PAX7: variants seen among roughly 807,000 people sequenced by gnomAD.
PAX7 encodes the protein paired box protein Pax-7.
PAX7 carries 18 observed loss-of-function variants against 50.7 expected under a neutral mutation model. The ratio of observed to expected loss-of-function variants is 0.36; its 90% confidence interval spans 0.25 to 0.53. PAX7 has a LOEUF of 0.53. PAX7 is among the 20% of genes least tolerant of loss of function. PAX7 has a pLI of 0.93. For missense variants in PAX7, 644 were observed against 702.9 expected, an observed-to-expected ratio of 0.92 and a Z score of 0.95; for synonymous variants, 310 against 290.4, an observed-to-expected ratio of 1.07 and a Z score of -0.69.
At chr1:18,727,817 T>G (rs891810170) in intron 7 of PAX7, among the ~76,000 whole-genome samples, 4 of 151,944 alleles carry the variant, frequency 2.6e-5, no homozygotes, top group African/African-American at 9.7e-5. Flanking sequence ...GGTGCAGGGC[T>G]TCGGTGTGGG....
chr1:18,635,342 C>A, intron 3 of PAX7, 102 bp downstream of exon 3: 1 of 1,371,146 alleles, frequency 7.3e-7, no homozygotes, highest in Non-Finnish European at 9.9e-7. Flanking sequence ...TGATGGCTGA[C>A]TGTGAACTTA....
chr1:18,663,508 G>A (rs554832104), intron 4 of PAX7, among the ~76,000 whole-genome samples: 9 of 152,260 alleles, frequency 5.9e-5, no homozygotes, highest in African/African-American at 1.4e-4. Flanking sequence ...TCAGCCTCTC[G>A]AGTAGCTGGG....
chr1:18,653,355 A>G (rs1570126248), intron 4 of PAX7, among the ~76,000 whole-genome samples: 1 of 152,116 alleles, frequency 6.6e-6, no homozygotes, highest in South Asian at 2.1e-4. Flanking sequence ...TTGTGTGTGT[A>G]TATTGTTGTT....
At chr1:18,703,449 T>C (rs1373863430) in intron 7 of PAX7, among the ~76,000 whole-genome samples, 153 bp downstream of exon 7, 3 of 152,370 alleles carry the variant, frequency 2.0e-5, no homozygotes, top group East Asian at 1.9e-4. Context: ...CCCTGGACTC[T>C]GTCCTGTGCT....
chr1:18,654,715 C>T (rs1027816026), intron 4 of PAX7, among the ~76,000 whole-genome samples: 2 of 152,236 alleles, frequency 1.3e-5, no homozygotes, highest in Non-Finnish European at 2.9e-5. Flanking sequence ...GGAAAGCAAA[C>T]TTGGAATTCT....
At position 18,746,139 on chromosome 1, in the gene PAX7, C is replaced by A. The variant is rs778204543; in HGVS notation, c.*1210C>A. On this transcript the variant is annotated 3_prime_UTR_variant, in exon 9 of 9. Transcript: ENST00000420770. ...TTGTAGACTGGGCAGGGATGGTTTG[C>A]CCCACAGACAAGATGATCCCCCCTG... 2.6e-5 allele frequency: 6 copies of A among 231,614 alleles called. No homozygotes were observed. The highest frequency in any genetic ancestry group is 4.3e-5 in the Non-Finnish European group (5 of 117,122). The allele number at this position is 231,614 out of a possible 1,614,324, so 14.3% of individuals were successfully genotyped here. A position where few individuals can be genotyped will look rare whatever the true frequency, so the allele number is the denominator to read the frequency against.
intron 4 of PAX7, among the ~76,000 whole-genome samples, chr1:18,658,162 T>C (rs937569132): frequency 2.0e-5 from 3 of 152,122 alleles, no homozygotes; most frequent in Non-Finnish European, 4.4e-5. Flanking sequence ...TGGAATTCTG[T>C]CGGTTTTGTG....
chr1:18,740,587 G>A (rs1469716943), intron 8 of PAX7, among the ~76,000 whole-genome samples: 2 of 152,214 alleles, frequency 1.3e-5, no homozygotes, highest in East Asian at 1.9e-4. Flanking sequence ...GTCCATACAT[G>A]AGGGTGCTCG....
intron 4 of PAX7, among the ~76,000 whole-genome samples, chr1:18,647,961 G>T (rs933638075): frequency 6.6e-6 from 1 of 152,188 alleles, no homozygotes; most frequent in Non-Finnish European, 1.5e-5. Flanking sequence ...AAGGTCAAGA[G>T]AAGAAGGTAG....
intron 5 of PAX7, among the ~76,000 whole-genome samples, chr1:18,692,534 T>C (rs1348178444): frequency 7.5e-6 from 1 of 133,782 alleles, no homozygotes; most frequent in Non-Finnish European, 1.6e-5. Context: ...AGAGCGAGAC[T>C]CCATCTCACA....
At chr1:18,681,107 C>T (rs1219699285) in intron 4 of PAX7, among the ~76,000 whole-genome samples, 3 of 128,720 alleles carry the variant, frequency 2.3e-5, no homozygotes, top group Non-Finnish European at 3.1e-5. Flanking sequence ...GCGGAGGTTG[C>T]GGTGAGCTGA....
At chr1:18,728,080 G>T (rs2089596420) in intron 7 of PAX7, among the ~76,000 whole-genome samples, 2 of 152,212 alleles carry the variant, frequency 1.3e-5, no homozygotes, top group South Asian at 4.1e-4. Flanking sequence ...CCAGTGTGGG[G>T]CTGGGAACAG....
chr1:18,658,242 C>T lies in PAX7; in HGVS notation c.586+21871C>T, dbSNP rs566624359. 2.0e-5 allele frequency among the ~76,000 whole-genome samples: 3 copies of T among 150,436 alleles called. No homozygotes were observed. The South Asian group carries it at 6.4e-4, about 32-fold the overall frequency. ...CTGCCCCCACCTGCCCCTCCTCGCT[C>T]CTGCCCTCCCCCTCCCCCCACAAAG... On this transcript the variant is annotated intron_variant, in intron 4 of 8. Transcript: ENST00000420770.
intron 4 of PAX7, among the ~76,000 whole-genome samples, chr1:18,658,236 C>G (rs1385541042): frequency 6.6e-6 from 1 of 151,648 alleles, no homozygotes; most frequent in East Asian, 1.9e-4. Flanking sequence ...CCTGCCCCTC[C>G]TCGCTCCTGC....
chr1:18,714,067 C>T (rs2089387593), intron 7 of PAX7, among the ~76,000 whole-genome samples: 4 of 151,992 alleles, frequency 2.6e-5, no homozygotes, highest in African/African-American at 2.4e-5. Flanking sequence ...AAAAATTAGC[C>T]GGGCATGGTG....
At chr1:18,698,601 C>G (rs2089177787) in intron 5 of PAX7, among the ~76,000 whole-genome samples, 1 of 152,192 alleles carries the variant, frequency 6.6e-6, no homozygotes, top group Non-Finnish European at 1.5e-5. Context: ...GTACAAAGAC[C>G]TCCTCACACC....
rs755475817 is a variant in PAX7 at position 18,700,621 on chromosome 1, G to A, written c.787-32G>A. 1.3e-6 allele frequency: 2 copies of A among 1,488,150 alleles called. No homozygotes were observed. The highest frequency in any genetic ancestry group is 1.8e-6 in the Non-Finnish European group (2 of 1,117,246). 92.2% of individuals were successfully genotyped at this position (1,488,150 alleles called of 1,614,324 possible). A position where few individuals can be genotyped will look rare whatever the true frequency, so the allele number is the denominator to read the frequency against. On this transcript the variant is annotated intron_variant, in intron 5 of 8. Coordinates refer to ENST00000420770, the MANE Select transcript of PAX7 (RefSeq NM_001135254.2). This position sits in a 1 kb window ranked among gnomAD's most constrained non-coding sequence, Gnocchi z 4.8. ...AGCTCTCTGCCAGGAACCTGGCCGA[G>A]GGGTCTCCATTCTCTGCTCTCCACC...
intron 4 of PAX7, among the ~76,000 whole-genome samples, chr1:18,681,691 A>ATTTATTTTATTTTAT (rs202204301): frequency 0.014 from 1,978 of 138,034 alleles, 25 homozygotes; most frequent in African/African-American, 0.016. Flanking sequence ...AGGGCTTAGA[A>ATTTATTTTATTTTAT]TTTATTTTAT....
Position 18,631,023 on chromosome 1 carries a change from G to A in PAX7, c.-581G>A, listed in dbSNP as rs925110664. ...GGGGCTGTGAAAGCTGGTGTGGAGG[G>A]AGAAGCGAGTGTGGTCCGGAGAAAG... On this transcript the variant is annotated 5_prime_UTR_variant, in exon 1 of 9. Coordinates refer to ENST00000420770, the MANE Select transcript of PAX7 (RefSeq NM_001135254.2). 5 of 226,752 alleles carry A rather than the reference G, an allele frequency of 2.2e-5. No homozygotes were observed. Among genetic ancestry groups the A allele is most frequent in the African/African-American group, 1.1e-4 (5 of 44,888 alleles). 14.0% of individuals were successfully genotyped at this position (226,752 alleles called of 1,614,324 possible).
Sources: allele counts gnomAD v4.1 joint callset (sites outside exome capture counted in the v4.1 genomes callset), GRCh38; gene constraint gnomAD v4.1.1; non-coding constraint Gnocchi (gnomAD v3.1); transcripts MANE v1.5; gene names NCBI Gene and HGNC (gene_info 2026-07-23, HGNC 2026-07-21).